Variants in BICRA observed in about 807,000 individuals in gnomAD.
BICRA encodes the protein BRD4 interacting chromatin remodeling complex associated protein, also known as BRD4-interacting chromatin-remodeling complex-associated protein.
Under a neutral mutation model 96.9 loss-of-function variants are expected in BICRA, and 31 were observed. That is an observed-to-expected ratio of 0.32 (90% CI 0.24 to 0.43). BICRA has a LOEUF of 0.43. Among genes scored for constraint, BICRA ranks in the 20% least tolerant of loss-of-function variants. BICRA has a pLI of 1.00. For missense variants in BICRA, 2,283 were observed against 2,190.3 expected (o/e 1.04, Z -0.84); for synonymous variants, 1,350 against 1,071.8 (o/e 1.26, Z -5.07).
At chr19:47,695,528 G>A (rs1973326716) in intron 10 of BICRA, 54 bp downstream of exon 10, 3 of 824,582 alleles carry the variant, frequency 3.6e-6, no homozygotes, top group Non-Finnish European at 6.1e-6. Flanking sequence ...TTCGGGAACT[G>A]GGAACTGGGG....
chr19:47,623,143 A>G (rs543633387), intron 1 of BICRA, among the ~76,000 whole-genome samples: 2 of 152,152 alleles, frequency 1.3e-5, no homozygotes, highest in Non-Finnish European at 1.5e-5. Context: ...ATATACTCCT[A>G]TTTATAAAAT....
intron 7 of BICRA, among the ~76,000 whole-genome samples, chr19:47,682,676 CTT>C (rs61431925): frequency 3.5e-5 from 5 of 144,676 alleles, no homozygotes; most frequent in Admixed American, 6.9e-5. Flanking sequence ...TTCTCTCTCT[CTT>C]TTTTTTTTTT....
chr19:47,633,080 CTTTTT>C (rs34761702), intron 1 of BICRA, among the ~76,000 whole-genome samples: 1 of 93,222 alleles, frequency 1.1e-5, no homozygotes, highest in Non-Finnish European at 2.1e-5. Flanking sequence ...GATTTTATTT[CTTTTT>C]TTTTTTTTTT....
In BICRA at chr19:47,701,519, C is replaced by G; in HGVS notation, c.3787C>G (p.Arg1263Gly). The G allele has an allele frequency of 6.5e-7, 1 of 1,548,320 alleles. No homozygotes were observed. Among genetic ancestry groups the G allele is most frequent in the Non-Finnish European group, 8.7e-7 (1 of 1,146,846 alleles). ...CGGCTCCCCTTCGGTCACCTGGGCC[C>G]GGGCGTCCTCCTCCCTGTCCTCCTC... ...AGGSPSVTWA[R>G]ASSSLSSSSS... The change falls in exon 15 of 15, where the codon CGG (arginine) becomes GGG (glycine). Residue 1263 changes from arginine to glycine, a missense_variant. Coordinates refer to ENST00000594866, the MANE Select transcript of BICRA (RefSeq NM_001394372.1). The surrounding 1 kb of genome is among the most constrained non-coding windows in gnomAD (Gnocchi z 5.4).
chr19:47,619,869 A>C (rs1972039547), intron 1 of BICRA, among the ~76,000 whole-genome samples: 1 of 152,186 alleles, frequency 6.6e-6, no homozygotes, highest in Non-Finnish European at 1.5e-5. Context: ...ACATAGTTTA[A>C]GCATGCCTTT....
chr19:47,612,876 C>T (rs1971930034), intron 1 of BICRA, among the ~76,000 whole-genome samples: 2 of 152,038 alleles, frequency 1.3e-5, no homozygotes, highest in South Asian at 4.1e-4. Flanking sequence ...ACCCCTTATC[C>T]CCGCAGCCAC....
chr19:47,650,454 A>G (rs1305274599), intron 1 of BICRA, among the ~76,000 whole-genome samples: 1 of 152,038 alleles, frequency 6.6e-6, no homozygotes, highest in African/African-American at 2.4e-5. Context: ...ACAGGATTTC[A>G]CCATGTTGAC....
chr19:47,617,269 C>T (rs1971999139), intron 1 of BICRA, among the ~76,000 whole-genome samples: 2 of 152,166 alleles, frequency 1.3e-5, no homozygotes, highest in Non-Finnish European at 2.9e-5. Context: ...GCAACTGCAC[C>T]TGGCCGTCTT....
intron 7 of BICRA, among the ~76,000 whole-genome samples, chr19:47,687,723 C>T (rs1973180228): frequency 6.6e-6 from 1 of 151,054 alleles, no homozygotes; most frequent in Admixed American, 6.6e-5. Flanking sequence ...ATCCCTTGAA[C>T]CTGGGAGGCG....
Position 47,695,392 on chromosome 19 carries a change from A to T in BICRA, c.3104A>T (p.Asn1035Ile), listed in dbSNP as rs766627835. The T allele has an allele frequency of 6.7e-7, 1 of 1,495,330 alleles. No homozygotes were observed. Among genetic ancestry groups the T allele is most frequent in the Non-Finnish European group, 9.1e-7 (1 of 1,104,910 alleles). 92.6% of individuals were successfully genotyped at this position (1,495,330 alleles called of 1,614,324 possible). A position where few individuals can be genotyped will look rare whatever the true frequency, so the allele number is the denominator to read the frequency against. ...TGLPPLLPAE[N>I]KAFASNLPTL... ...CTCCCTCCTCTGCTTCCAGCCGAGA[A>T]CAAGGCTTTTGCCAGCAACCTCCCG... Residue 1035 changes from asparagine (N) to isoleucine (I), a missense_variant, in exon 10 of 15, where the codon AAC (asparagine) becomes ATC (isoleucine). By Grantham distance (149) the Asn-to-Ile change is moderately radical (BLOSUM62 -3). Coordinates refer to ENST00000594866, the MANE Select transcript of BICRA (RefSeq NM_001394372.1).
At chr19:47,645,933 C>T (rs1246808406) in intron 1 of BICRA, among the ~76,000 whole-genome samples, 1 of 152,016 alleles carries the variant, frequency 6.6e-6, no homozygotes, top group East Asian at 1.9e-4. Context: ...CCCGCCTCTA[C>T]AAAAAATTAA....
Position 47,677,734 on chromosome 19 carries a change from A to G in BICRA, c.151-1587A>G, listed in dbSNP as rs562606657. ...AAGAAACAAAAAGCATTGAACTCAC[A>G]GTGCGGTTGGCACAGAAGTTCACAA... On this transcript the variant is annotated intron_variant, in intron 5 of 14. Transcript: ENST00000594866. Among the ~76,000 whole-genome samples, 17 of 152,334 alleles carry G rather than the reference A, an allele frequency of 1.1e-4. No homozygotes were observed. The South Asian group carries it at 3.5e-3, about 32-fold the overall frequency.
Position 47,698,558 on chromosome 19 carries a change from T to G in BICRA, c.3249-76T>G. 1 of 730,852 alleles carries G rather than the reference T, an allele frequency of 1.4e-6. No homozygotes were observed. Among genetic ancestry groups the G allele is most frequent in the South Asian group, 1.5e-5 (1 of 64,846 alleles). The allele number at this position is 730,852 out of a possible 1,614,324, so 45.3% of individuals were successfully genotyped here. A position where few individuals can be genotyped will look rare whatever the true frequency, so the allele number is the denominator to read the frequency against. On this transcript the variant is annotated intron_variant, in intron 11 of 14. Coordinates refer to ENST00000594866, the MANE Select transcript of BICRA (RefSeq NM_001394372.1). This position sits in a 1 kb window ranked among gnomAD's most constrained non-coding sequence, Gnocchi z 4.8. ...TTCAGTTGCGGCCTGGGGCTGAGGG[T>G]TCAGGGACTTCCCCTGGCCCTCACC...
At chr19:47,609,446 C>G (rs1207681709) in intron 1 of BICRA, among the ~76,000 whole-genome samples, 1 of 136,504 alleles carries the variant, frequency 7.3e-6, no homozygotes, top group East Asian at 2.2e-4. Context: ...CGCGTCTCTT[C>G]CACCACCGCC....
intron 1 of BICRA, among the ~76,000 whole-genome samples, chr19:47,609,841 C>T (rs966296991): frequency 3.3e-5 from 5 of 152,058 alleles, no homozygotes; most frequent in African/African-American, 7.2e-5. Context: ...ACCGGGGCTC[C>T]CCCCTTCGCA....
At chr19:47,620,896 C>T (rs1043117424) in intron 1 of BICRA, among the ~76,000 whole-genome samples, 3 of 152,046 alleles carry the variant, frequency 2.0e-5, no homozygotes, top group South Asian at 4.1e-4. Flanking sequence ...AGCAGAGCTC[C>T]CCAGCAGGCC....
At chr19:47,692,993 G>A (rs1973263554) in intron 7 of BICRA, among the ~76,000 whole-genome samples, 1 of 152,234 alleles carries the variant, frequency 6.6e-6, no homozygotes, top group African/African-American at 2.4e-5. Context: ...CAGTTTTGGA[G>A]CCTTGGCCTC....
chr19:47,624,638 G>A (rs999514170), intron 1 of BICRA, among the ~76,000 whole-genome samples: 2 of 151,984 alleles, frequency 1.3e-5, no homozygotes, highest in African/African-American at 4.8e-5. Context: ...AAAAAATGCT[G>A]TGTCTTTGAA....
chr19:47,625,591 A>T (rs901827782), intron 1 of BICRA, among the ~76,000 whole-genome samples: 9 of 152,022 alleles, frequency 5.9e-5, no homozygotes, highest in African/African-American at 2.2e-4. Flanking sequence ...GATCGTGAGG[A>T]GATTGGGTTG....
Sources: allele counts gnomAD v4.1 joint callset (sites outside exome capture counted in the v4.1 genomes callset), GRCh38; gene constraint gnomAD v4.1.1; non-coding constraint Gnocchi (gnomAD v3.1); transcripts MANE v1.5; gene names NCBI Gene and HGNC (gene_info 2026-07-23, HGNC 2026-07-21).